Variants in GANC observed in about 807,000 individuals in gnomAD.
The protein encoded by GANC is glucosidase alpha, neutral C, also known as neutral alpha-glucosidase C.
A neutral mutation model predicts 124.2 loss-of-function variants in GANC; 117 were observed. The ratio of observed to expected loss-of-function variants is 0.94; its 90% CI spans 0.81 to 1.10. The LOEUF (loss-of-function observed/expected upper bound fraction) is 1.10, where lower values mean the gene tolerates loss of function less well. Ranked by LOEUF, GANC falls within the 50% of genes least tolerant of loss-of-function variation. The pLI is 0.00. For missense variants in GANC, 1,140 were observed against 1,095.0 expected (o/e 1.04, Z -0.58); for synonymous variants, 377 against 376.8 (o/e 1.00, Z -0.01).
At chr15:42,278,076 C>T (rs1350635648) in intron 2 of GANC, 5 of 367,902 alleles carry the variant, frequency 1.4e-5, no homozygotes, top group Non-Finnish European at 1.1e-5. Flanking sequence ...GGGAAGTCTA[C>T]AGTGAATGCC....
At chr15:42,348,431 T>C (rs1053016639) in intron 21 of GANC, among the ~76,000 whole-genome samples, 1 of 152,240 alleles carries the variant, frequency 6.6e-6, no homozygotes, top group Non-Finnish European at 1.5e-5. Flanking sequence ...AATGTTCCTC[T>C]TGGGCACTGT....
rs1190818731 is a variant in GANC at position 42,321,896 on chromosome 15, T to A, written c.1169T>A (p.Ile390Asn). Residue 390 changes from isoleucine (I) to asparagine (N), a missense_variant, in exon 11 of 24, where the codon ATT becomes AAT. Transcript: ENST00000318010. ...GATGCAGGGTTTGATGAGCATGACA[T>A]TCCTTATGATGCCATGTGGCTGGAC... is the stretch of plus-strand genomic sequence containing the variant. ...AVDAGFDEHD[I>N]PYDAMWLDIE... The A allele has an allele frequency of 6.2e-7, 1 of 1,614,046 alleles. No individual in the cohort carries two copies. Among genetic ancestry groups the A allele is most frequent in the African/African-American group, 1.3e-5 (1 of 74,930 alleles).
At chr15:42,294,933 A>G (rs1183763110) in intron 5 of GANC, among the ~76,000 whole-genome samples, 1 of 151,028 alleles carries the variant, frequency 6.6e-6, no homozygotes, top group Non-Finnish European at 1.5e-5. Flanking sequence ...ATAGAGTCAT[A>G]AAAGGATAGT....
intron 18 of GANC, among the ~76,000 whole-genome samples, chr15:42,341,878 T>C (rs2052331371): frequency 6.6e-6 from 1 of 152,144 alleles, no homozygotes; most frequent in South Asian, 2.1e-4. Context: ...TTCTGAGTTC[T>C]TTTAAGTCTC....
intron 3 of GANC, chr15:42,281,261 C>T: frequency 1.6e-6 from 1 of 624,328 alleles, no homozygotes; most frequent in Non-Finnish European, 2.9e-6. Context: ...TCCTCCTTGT[C>T]ATGTGGTGTT....
chr15:42,351,316 G>C lies in GANC; in HGVS notation c.2532-13G>C. The C allele has an allele frequency of 1.3e-6, 2 of 1,597,084 alleles. No individual in the cohort carries two copies. Among genetic ancestry groups the C allele is most frequent in the Non-Finnish European group, 1.7e-6 (2 of 1,165,118 alleles). On this transcript the variant is annotated splice_polypyrimidine_tract_variant and intron_variant, in intron 22 of 23. Coordinates refer to ENST00000318010, the MANE Select transcript of GANC (RefSeq NM_198141.3). ...CATCCCTCTCCTTTTAATACTGTTTGTATCTATTCCAGTTTTGCTGACCAG... is the reference window on the plus strand; with the variant it reads ...CATCCCTCTCCTTTTAATACTGTTTCTATCTATTCCAGTTTTGCTGACCAG...
chr15:42,279,620 A>C lies in GANC; in HGVS notation c.201+1030A>C, dbSNP rs148020853. Among the ~76,000 whole-genome samples, 9 of 152,316 alleles carry C rather than the reference A, an allele frequency of 5.9e-5. No individual in the cohort carries two copies. The East Asian group carries it at 1.7e-3, about 29-fold the overall frequency. On this transcript the variant is annotated intron_variant, in intron 3 of 23. Transcript: ENST00000318010. ...AAGTGTGACTGTGCACTACTGCCTGATGCCTTCAACCTGACCTTCACTTTC... is the reference window on the plus strand; with the variant it reads ...AAGTGTGACTGTGCACTACTGCCTGCTGCCTTCAACCTGACCTTCACTTTC...
Position 42,353,632 on chromosome 15 carries a change from G to A in GANC, c.*1493G>A. 1 of 985,506 alleles carries A rather than the reference G, an allele frequency of 1.0e-6. No homozygotes were observed. The allele number at this position is 985,506 out of a possible 1,614,324, so 61.0% of individuals were successfully genotyped here. A position where few individuals can be genotyped will look rare whatever the true frequency, so the allele number is the denominator to read the frequency against. On this transcript the variant is annotated 3_prime_UTR_variant, in exon 24 of 24. Coordinates refer to ENST00000318010, the MANE Select transcript of GANC (RefSeq NM_198141.3). ...TGTTAGCTGTGATTAGTTAGCTGGT[G>A]GATTTAATTGATTAAAAAATTACGA...
intron 20 of GANC, 58 bp downstream of exon 20, chr15:42,345,890 T>A (rs1174606467): frequency 8.1e-7 from 1 of 1,228,636 alleles, no homozygotes; most frequent in African/African-American, 1.5e-5. Flanking sequence ...CGGCTAGGGC[T>A]GCCATGACAA....
intron 18 of GANC, among the ~76,000 whole-genome samples, 167 bp downstream of exon 18, chr15:42,340,921 A>G (rs1048329980): frequency 1.7e-4 from 26 of 151,906 alleles, no homozygotes; most frequent in African/African-American, 6.0e-4. Context: ...GCCCGCCACC[A>G]TGCCCGGCTA....
chr15:42,312,939 CAA>C (rs55722371), intron 10 of GANC, among the ~76,000 whole-genome samples: 4,738 of 126,338 alleles, frequency 0.038, 196 homozygotes, highest in African/African-American at 0.11. Flanking sequence ...GACTCCGTCT[CAA>C]AAAAAAAAAA....
chr15:42,298,439 A>T (rs971377405), intron 6 of GANC, among the ~76,000 whole-genome samples: 2 of 152,210 alleles, frequency 1.3e-5, no homozygotes, highest in African/African-American at 4.8e-5. Flanking sequence ...CATCATTGAA[A>T]AATATAAGTC....
Position 42,327,380 on chromosome 15 carries a change from G to A in GANC, c.1438G>A (p.Asp480Asn). 5 of 1,612,854 alleles carry A rather than the reference G, an allele frequency of 3.1e-6. No homozygotes were observed. Among genetic ancestry groups the A allele is most frequent in the Non-Finnish European group, 4.2e-6 (5 of 1,179,278 alleles). ...VCWPGLSSYL[D>N]FTNPKVREWY... Reference sequence around the variant, plus strand: ...CTCCACAGGTCTCTCCTCTTACCTGGATTTCACCAATCCCAAGGTCAGAGA... The same window carrying A: ...CTCCACAGGTCTCTCCTCTTACCTGAATTTCACCAATCCCAAGGTCAGAGA... Residue 480 changes from aspartate (D) to asparagine (N), a missense_variant, in exon 13 of 24, where the codon GAT (aspartate) becomes AAT (asparagine). Asp to Asn is a conservative substitution (Grantham distance 23, BLOSUM62 1). Transcript: ENST00000318010.
chr15:42,345,933 A>C, intron 20 of GANC, 101 bp downstream of exon 20: 1 of 795,786 alleles, frequency 1.3e-6, no homozygotes, highest in Non-Finnish European at 2.1e-6. Context: ...TACCCAACAG[A>C]AACTTATTTT....
Position 42,310,745 on chromosome 15 carries a change from G to T in GANC, c.956G>T (p.Arg319Leu), listed in dbSNP as rs377160213. The T allele has an allele frequency of 3.7e-6, 6 of 1,613,866 alleles. No individual in the cohort carries two copies. In the African/African-American group the frequency reaches 4.0e-5, roughly 11 times the overall value. ...PVAAKQKVRSRTHVHWMSESG... is the reference protein window; with the variant it reads ...PVAAKQKVRSLTHVHWMSESG... ...GCTGCTAAACAAAAGGTCAGATCTC[G>T]CACTCATGTGCACTGGATGTCAGAG... Residue 319 changes from arginine (R) to leucine (L), a missense_variant, in exon 10 of 24, where the codon CGC becomes CTC. Arg to Leu is a moderately radical substitution (Grantham distance 102). Transcript: ENST00000318010.
rs2052358743 is a variant in GANC, at chr15:42,345,804, C to T, written c.2276C>T (p.Thr759Ile). Residue 759 changes from threonine (T) to isoleucine (I), a missense_variant, in exon 20 of 24, where the codon ACT becomes ATT. Transcript: ENST00000318010. The stretch of plus-strand genomic sequence containing the variant: ...TTTGCTCATTGGGAAGGAGGGTGTA[C>T]TGTAAAGATCCCAGTAGCCTTGGAC... ...KTFAHWEGGC[T>I]VKIPVALDTI... The T allele has an allele frequency of 6.2e-7, 1 of 1,611,708 alleles. No homozygotes were observed.
chr15:42,275,460 A>G (rs1410348164), intron 1 of GANC, among the ~76,000 whole-genome samples: 3 of 152,194 alleles, frequency 2.0e-5, no homozygotes, highest in African/African-American at 7.2e-5. Flanking sequence ...GGCCAAGTAT[A>G]TCTGCCTGGG....
At chr15:42,290,740 T>G (rs1214889261) in intron 4 of GANC, among the ~76,000 whole-genome samples, 3 of 152,104 alleles carry the variant, frequency 2.0e-5, no homozygotes, top group African/African-American at 7.2e-5. Flanking sequence ...CCCAGTGGTT[T>G]AAGGCTGCAG....
At chr15:42,316,230 TG>T (rs1322815687) in intron 10 of GANC, among the ~76,000 whole-genome samples, 1 of 152,114 alleles carries the variant, frequency 6.6e-6, no homozygotes, top group Non-Finnish European at 1.5e-5. Flanking sequence ...GTTGTCCCTA[TG>T]TGCGGAGATG....
Sources: allele counts gnomAD v4.1 joint callset (sites outside exome capture counted in the v4.1 genomes callset), GRCh38; gene constraint gnomAD v4.1.1; transcripts MANE v1.5; gene names NCBI Gene and HGNC (gene_info 2026-07-23, HGNC 2026-07-21).